PARD3: variants seen among roughly 807,000 people sequenced by gnomAD.
The protein encoded by PARD3 is par-3 family cell polarity regulator, also known as partitioning defective 3 homolog.
Under a neutral mutation model 155.4 loss-of-function variants are expected in PARD3, and 75 were observed. That is an observed-to-expected ratio of 0.48 (90% CI 0.40 to 0.58). PARD3 has a LOEUF of 0.58. Ranked by LOEUF, PARD3 falls within the 20% of genes least tolerant of loss-of-function variation. The pLI, the probability that PARD3 is intolerant of heterozygous loss-of-function variation, is 0.00. For missense variants in PARD3, 1,642 were observed against 1,721.7 expected (o/e 0.95, Z 0.82); for synonymous variants, 576 against 610.5 (o/e 0.94, Z 0.83).
At chr10:34,254,569 T>C (rs923562928) in intron 22 of PARD3, among the ~76,000 whole-genome samples, 8 of 150,386 alleles carry the variant, frequency 5.3e-5, no homozygotes, top group African/African-American at 2.0e-4. Flanking sequence ...TGTGTGTGTG[T>C]GTGTGTGTGT....
chr10:34,750,715 G>A (rs192741959), intron 1 of PARD3, among the ~76,000 whole-genome samples: 222 of 147,462 alleles, frequency 1.5e-3, no homozygotes, highest in Non-Finnish European at 2.1e-3. Flanking sequence ...TTGAGATGGA[G>A]TCTCACTCTG....
chr10:34,487,301 T>C (rs1194286648), intron 3 of PARD3, among the ~76,000 whole-genome samples: 1 of 152,156 alleles, frequency 6.6e-6, no homozygotes, highest in African/African-American at 2.4e-5. Context: ...GATCTGGTAC[T>C]TTCTCATCTG....
chr10:34,601,398 G>A (rs548756519), intron 2 of PARD3, among the ~76,000 whole-genome samples: 3 of 152,182 alleles, frequency 2.0e-5, no homozygotes, highest in East Asian at 1.9e-4. Context: ...CTATAAGTGC[G>A]CCACTGCACT....
chr10:34,403,588 T>C (rs562949068), intron 5 of PARD3, among the ~76,000 whole-genome samples: 2 of 152,316 alleles, frequency 1.3e-5, no homozygotes, highest in South Asian at 4.1e-4. Flanking sequence ...AACTTTTCTG[T>C]GAGTCGTAGC....
intron 3 of PARD3, among the ~76,000 whole-genome samples, chr10:34,511,598 G>A (rs1374209817): frequency 6.6e-6 from 1 of 152,064 alleles, no homozygotes; most frequent in Non-Finnish European, 1.5e-5. Flanking sequence ...TTTATACTAA[G>A]CTATTTTTAT....
At chr10:34,653,041 A>C (rs561335497) in intron 2 of PARD3, among the ~76,000 whole-genome samples, 16 of 152,260 alleles carry the variant, frequency 1.1e-4, no homozygotes, top group South Asian at 8.3e-4. Context: ...ACAACAACAA[A>C]AAAACACACA....
chr10:34,456,504 G>A (rs1433483671), intron 4 of PARD3, among the ~76,000 whole-genome samples: 3 of 151,956 alleles, frequency 2.0e-5, no homozygotes, highest in South Asian at 2.1e-4. Context: ...CACCATGTTC[G>A]GCAGACTGGT....
intron 2 of PARD3, among the ~76,000 whole-genome samples, chr10:34,660,344 T>A (rs993858391): frequency 2.6e-5 from 4 of 152,342 alleles, no homozygotes; most frequent in Non-Finnish European, 5.9e-5. Flanking sequence ...CAACAAATAA[T>A]ATCTAGATAA....
chr10:34,303,648 A>T (rs1334018679), intron 20 of PARD3, among the ~76,000 whole-genome samples: 23 of 151,450 alleles, frequency 1.5e-4, no homozygotes, highest in Admixed American at 1.4e-3. Context: ...TACAATCTTC[A>T]GTTAGTGGAA....
chr10:34,186,442 G>A (rs1422414517), intron 22 of PARD3, among the ~76,000 whole-genome samples: 1 of 151,884 alleles, frequency 6.6e-6, no homozygotes, highest in Non-Finnish European at 1.5e-5. Context: ...TTCAGGTGCA[G>A]GCTGGAATTT....
At chr10:34,391,396 G>A (rs911179462) in intron 7 of PARD3, among the ~76,000 whole-genome samples, 5 of 152,104 alleles carry the variant, frequency 3.3e-5, no homozygotes, top group African/African-American at 9.7e-5. Context: ...GAAGGGAGAA[G>A]GTTTTTCTTT....
chr10:34,289,977 T>C (rs1274283310), intron 20 of PARD3, among the ~76,000 whole-genome samples: 2 of 152,042 alleles, frequency 1.3e-5, no homozygotes, highest in African/African-American at 2.4e-5. Context: ...ATAAGTGTCA[T>C]TGAAAAGTAA....
intron 20 of PARD3, among the ~76,000 whole-genome samples, chr10:34,310,902 T>C (rs900710178): frequency 2.0e-5 from 3 of 152,098 alleles, no homozygotes; most frequent in Non-Finnish European, 4.4e-5. Flanking sequence ...AGAAAGCAAA[T>C]AAAATTATGT....
intron 2 of PARD3, among the ~76,000 whole-genome samples, chr10:34,678,054 T>C (rs955705863): frequency 6.6e-6 from 1 of 152,036 alleles, no homozygotes; most frequent in East Asian, 1.9e-4. Flanking sequence ...AATGTTTTTT[T>C]AATTTATTTA....
chr10:34,374,848 C>A (rs772872460), intron 11 of PARD3, 26 bp downstream of exon 11: 15 of 1,609,318 alleles, frequency 9.3e-6, no homozygotes, highest in African/African-American at 1.3e-5. Flanking sequence ...TATCAGAAAT[C>A]TTTCATCTAC....
intron 3 of PARD3, among the ~76,000 whole-genome samples, chr10:34,482,105 G>A (rs1462508608): frequency 8.1e-6 from 1 of 124,010 alleles, no homozygotes; most frequent in Non-Finnish European, 1.6e-5. Context: ...CACCATCATT[G>A]CTCACTGCAT....
intron 2 of PARD3, among the ~76,000 whole-genome samples, chr10:34,676,287 G>A (rs1012772100): frequency 6.6e-6 from 1 of 152,182 alleles, no homozygotes; most frequent in Non-Finnish European, 1.5e-5. Context: ...TTATATGGCT[G>A]CTTAAATGTC....
chr10:34,475,756 CA>C (rs2078664954), intron 3 of PARD3, among the ~76,000 whole-genome samples: 1 of 152,152 alleles, frequency 6.6e-6, no homozygotes, highest in Non-Finnish European at 1.5e-5. Context: ...CACAGTGGGA[CA>C]TAAGTTTTCC....
intron 5 of PARD3, among the ~76,000 whole-genome samples, chr10:34,407,562 G>A (rs567189831): frequency 6.6e-6 from 1 of 152,288 alleles, no homozygotes; most frequent in South Asian, 2.1e-4. Context: ...GTCTCAATAC[G>A]ATTTACCAAT....
Sources: gnomAD v4.1 joint callset for allele counts (sites outside exome capture counted in the v4.1 genomes callset) on GRCh38, gnomAD v4.1.1 for gene constraint, MANE v1.5 for transcripts, NCBI Gene and HGNC (gene_info 2026-07-23, HGNC 2026-07-21) for gene names.